The following UGT1A7 variants were observed in gnomAD, a reference collection of about 807,000 sequenced individuals.
UGT1A7 encodes UDP-glucuronosyltransferase 1A7.
UGT1A7 carries 33 observed loss-of-function variants against 45.6 expected under a neutral mutation model. The observed-to-expected ratio is 0.72, with a 90% CI of 0.55 to 0.97. UGT1A7 has a LOEUF of 0.97. UGT1A7 is among the 50% of genes least tolerant of loss of function. The pLI is 0.00. For synonymous variants in UGT1A7, 274 were observed against 250.6 expected, an observed-to-expected ratio of 1.09 and a Z score of -0.88; for missense variants, 684 against 666.2, an observed-to-expected ratio of 1.03 and a Z score of -0.29.
intron 1 of UGT1A7, among the ~76,000 whole-genome samples, chr2:233,696,184 T>G (rs2075330442): frequency 6.6e-6 from 1 of 152,222 alleles, no homozygotes. Flanking sequence ...ATTGAAGAGC[T>G]ATCTGCACTC....
At chr2:233,737,324 G>A (rs1000160542) in intron 1 of UGT1A7, among the ~76,000 whole-genome samples, 2 of 152,246 alleles carry the variant, frequency 1.3e-5, no homozygotes, top group Non-Finnish European at 2.9e-5. Context: ...TGCTGCACTA[G>A]CAGTGAGCAA....
chr2:233,760,736 C>G lies in UGT1A7; in HGVS notation c.856-6298C>G, dbSNP rs371418452. 6 of 1,614,160 alleles carry G rather than the reference C, an allele frequency of 3.7e-6. No homozygotes were observed. Among genetic ancestry groups the G allele is most frequent in the Non-Finnish European group, 5.1e-6 (6 of 1,180,028 alleles). Reference sequence around the variant, plus strand: ...GAAAGCAGCTTTGATGTCATGCTGACGGACCCTTTCCTTCCTTGCAGCCCC... The same window carrying G: ...GAAAGCAGCTTTGATGTCATGCTGAGGGACCCTTTCCTTCCTTGCAGCCCC... On this transcript the variant is annotated intron_variant, in intron 1 of 4. Coordinates refer to ENST00000373426, the MANE Select transcript of UGT1A7 (RefSeq NM_019077.3).
intron 1 of UGT1A7, among the ~76,000 whole-genome samples, chr2:233,694,479 C>T (rs2075222456): frequency 6.6e-6 from 1 of 152,102 alleles, no homozygotes; most frequent in Admixed American, 6.6e-5. Flanking sequence ...TGGCCTCTGA[C>T]CTAAGACAAG....
At chr2:233,738,140 C>T (rs975001541) in intron 1 of UGT1A7, among the ~76,000 whole-genome samples, 3 of 152,224 alleles carry the variant, frequency 2.0e-5, no homozygotes, top group African/African-American at 7.2e-5. Context: ...CTTATCCCTT[C>T]ACTTGCAAGC....
intron 1 of UGT1A7, among the ~76,000 whole-genome samples, chr2:233,737,657 C>T (rs962486142): frequency 2.6e-5 from 4 of 152,206 alleles, no homozygotes; most frequent in African/African-American, 9.6e-5. Context: ...CTGGGAGCTG[C>T]AGATCGGAGC....
At chr2:233,746,748 A>G in intron 1 of UGT1A7, among the ~76,000 whole-genome samples, 1 of 151,864 alleles carries the variant, frequency 6.6e-6, no homozygotes. Flanking sequence ...GTTCCAAAGC[A>G]GAGATTAATT....
intron 1 of UGT1A7, among the ~76,000 whole-genome samples, chr2:233,687,208 T>C (rs573198155): frequency 3.3e-5 from 5 of 152,306 alleles, no homozygotes; most frequent in Non-Finnish European, 5.9e-5. Flanking sequence ...GTGGGTGATA[T>C]GCATTTTCCA....
intron 1 of UGT1A7, among the ~76,000 whole-genome samples, chr2:233,738,515 G>A (rs2125816431): frequency 6.6e-6 from 1 of 152,322 alleles, no homozygotes; most frequent in African/African-American, 2.4e-5. Context: ...TGCTGATAAT[G>A]TTGTGGACAA....
chr2:233,741,352 A>G (rs1236663413), intron 1 of UGT1A7, among the ~76,000 whole-genome samples: 1 of 151,742 alleles, frequency 6.6e-6, no homozygotes, highest in African/African-American at 2.4e-5. Context: ...TCCAACACAC[A>G]AAACCACAAT....
chr2:233,760,801 T>G (rs1365770885), intron 1 of UGT1A7: 2 of 1,613,398 alleles, frequency 1.2e-6, no homozygotes, highest in South Asian at 1.1e-5. Context: ...TGTATTCTTC[T>G]TGCATGCACT....
chr2:233,745,932 CAGCTGGGGGTT>C (rs1347994151), intron 1 of UGT1A7, among the ~76,000 whole-genome samples: 3 of 151,404 alleles, frequency 2.0e-5, no homozygotes, highest in East Asian at 3.9e-4. Context: ...TCAGAAGGGA[CAGCTGGGGGTT>C]GGGCAACTGG....
chr2:233,724,371 C>A (rs1285685419), intron 1 of UGT1A7, among the ~76,000 whole-genome samples: 1 of 147,620 alleles, frequency 6.8e-6, no homozygotes, highest in Non-Finnish European at 1.5e-5. Flanking sequence ...GACGGGGTGG[C>A]TGCCGGGCGG....
At chr2:233,693,615 CT>C (rs779391112) in intron 1 of UGT1A7, 58 of 1,614,100 alleles carry the variant, frequency 3.6e-5, no homozygotes, top group South Asian at 8.8e-5. Context: ...GACCACATGA[CT>C]TTTTCCCAAC....
At chr2:233,726,191 A>T (rs942571652) in intron 1 of UGT1A7, among the ~76,000 whole-genome samples, 2 of 152,194 alleles carry the variant, frequency 1.3e-5, no homozygotes, top group African/African-American at 4.8e-5. Context: ...TCTTTGGCAT[A>T]TGGAAATCTT....
At chr2:233,726,665 C>A (rs560065117) in intron 1 of UGT1A7, among the ~76,000 whole-genome samples, 2 of 152,280 alleles carry the variant, frequency 1.3e-5, no homozygotes, top group East Asian at 3.9e-4. Flanking sequence ...TTAATCATAT[C>A]TGTGAAGTCT....
chr2:233,709,436 G>A (rs1274311484), intron 1 of UGT1A7, among the ~76,000 whole-genome samples: 1 of 152,092 alleles, frequency 6.6e-6, no homozygotes, highest in African/African-American at 2.4e-5. Context: ...CAGAAAGGAT[G>A]ACCTGCCGAC....
chr2:233,711,861 T>C (rs1383080586), intron 1 of UGT1A7, among the ~76,000 whole-genome samples: 1 of 152,212 alleles, frequency 6.6e-6, no homozygotes, highest in Non-Finnish European at 1.5e-5. Flanking sequence ...AGCACAAGTA[T>C]GAGTGACTTT....
chr2:233,733,746 G>A (rs1211480286), intron 1 of UGT1A7, among the ~76,000 whole-genome samples: 2 of 152,164 alleles, frequency 1.3e-5, no homozygotes, highest in Admixed American at 6.5e-5. Context: ...TGTTCATCAG[G>A]GATATTTGTC....
At chr2:233,702,391 T>C (rs2075684338) in intron 1 of UGT1A7, among the ~76,000 whole-genome samples, 1 of 152,202 alleles carries the variant, frequency 6.6e-6, no homozygotes, top group South Asian at 2.1e-4. Context: ...ACATTCCAGA[T>C]CATGTTATCT....
Sources: gnomAD v4.1 joint callset for allele counts (sites outside exome capture counted in the v4.1 genomes callset) on GRCh38, gnomAD v4.1.1 for gene constraint, MANE v1.5 for transcripts, NCBI Gene and HGNC (gene_info 2026-07-23, HGNC 2026-07-21) for gene names.